Variants in LPP observed in about 807,000 individuals in gnomAD.
The protein encoded by LPP is LIM domain containing preferred translocation partner in lipoma.
In LPP, 38 loss-of-function variants were observed where a neutral mutation model predicts 60.4. The observed-to-expected ratio is 0.63, with a 90% CI of 0.49 to 0.83. The LOEUF is 0.83. LPP is among the 40% of genes least tolerant of loss of function. LPP has a pLI of 0.00. For missense variants in LPP, 902 were observed against 783.6 expected (o/e 1.15, Z -1.80); for synonymous variants, 328 against 290.8 (o/e 1.13, Z -1.30).
At chr3:188,526,776 G>A (rs1465242354) in intron 6 of LPP, among the ~76,000 whole-genome samples, 8 of 152,128 alleles carry the variant, frequency 5.3e-5, no homozygotes, top group Non-Finnish European at 1.0e-4. Context: ...GAACTCATCT[G>A]TAGAAGGCAC....
intron 2 of LPP, among the ~76,000 whole-genome samples, chr3:188,241,131 AATG>A (rs1400819543): frequency 2.6e-5 from 4 of 152,182 alleles, no homozygotes; most frequent in African/African-American, 9.7e-5. Flanking sequence ...TGGCTGCAAG[AATG>A]ATAAGTGGTC....
intron 1 of LPP, chr3:188,178,454 A>G (rs1158157589): frequency 6.6e-6 from 1 of 152,172 alleles, no homozygotes; most frequent in Non-Finnish European, 1.5e-5. Context: ...AGATCTTGGA[A>G]TCTCTGTTTG....
chr3:188,753,861 A>T (rs2150362581), intron 8 of LPP, among the ~76,000 whole-genome samples: 1 of 152,166 alleles, frequency 6.6e-6, no homozygotes, highest in Admixed American at 6.5e-5. Context: ...CCCACTAGCC[A>T]CGTACCTGTT....
At chr3:188,563,935 T>A (rs1831458640) in intron 6 of LPP, among the ~76,000 whole-genome samples, 1 of 151,844 alleles carries the variant, frequency 6.6e-6, no homozygotes, top group Non-Finnish European at 1.5e-5. Flanking sequence ...CATGGCACTG[T>A]GGTTTGAATA....
At position 188,781,003 on chromosome 3, in the gene LPP, C is replaced by T. The variant is rs572390422; in HGVS notation, c.1410+20721C>T. On this transcript the variant is annotated intron_variant, in intron 9 of 11. Coordinates refer to ENST00000617246, the MANE Select transcript of LPP (RefSeq NM_001375462.1). ...CAAATCTGGTGCCAAAAGGCACTAC[C>T]GGATTCAGACTGACAGCACTGAGAG... Among the ~76,000 whole-genome samples, 6 of 152,264 alleles carry T rather than the reference C, an allele frequency of 3.9e-5. No homozygotes were observed. The South Asian group carries it at 1.0e-3, about 26-fold the overall frequency.
At chr3:188,836,190 T>A (rs1201196687) in intron 9 of LPP, among the ~76,000 whole-genome samples, 2 of 152,254 alleles carry the variant, frequency 1.3e-5, no homozygotes, top group African/African-American at 2.4e-5. Flanking sequence ...CCCACTGTTT[T>A]TATTTCTCTT....
At chr3:188,672,545 G>A (rs922689198) in intron 7 of LPP, among the ~76,000 whole-genome samples, 2 of 152,286 alleles carry the variant, frequency 1.3e-5, no homozygotes, top group East Asian at 1.9e-4. Flanking sequence ...CGTTGATGGA[G>A]GGGGTGGTGG....
chr3:188,497,919 A>T (rs1810713294), intron 5 of LPP, among the ~76,000 whole-genome samples: 1 of 152,136 alleles, frequency 6.6e-6, no homozygotes, highest in African/African-American at 2.4e-5. Flanking sequence ...ATTTTCATAG[A>T]GTTACAGATT....
rs1465400641 is a variant in LPP at position 188,368,705 on chromosome 3, CACACACACACACACAGAG to C, written c.-10+26988_-10+27005del. ...TCTCACACACACACACACACACACA[CACACACACACACACAGAG>C]AGAGAGAGAGAGAGAGAGAGAGAGA... is the stretch of plus-strand genomic sequence containing the variant. On this transcript the variant is annotated intron_variant, in intron 3 of 11. Coordinates refer to ENST00000617246, the MANE Select transcript of LPP (RefSeq NM_001375462.1). Among the ~76,000 whole-genome samples, 26 of 122,590 alleles carry C rather than the reference CACACACACACACACAGAG, an allele frequency of 2.1e-4. No individual in the cohort carries two copies. The South Asian group carries it at 5.0e-3, about 24-fold the overall frequency. 80.4% of individuals were successfully genotyped at this position (122,590 alleles called of 152,430 possible).
chr3:188,298,069 T>A (rs1748535941), intron 2 of LPP, among the ~76,000 whole-genome samples: 1 of 152,218 alleles, frequency 6.6e-6, no homozygotes. Context: ...GTTAATAAAC[T>A]GAATATATTG....
intron 2 of LPP, among the ~76,000 whole-genome samples, chr3:188,264,495 G>A (rs542746980): frequency 2.0e-5 from 3 of 152,124 alleles, no homozygotes; most frequent in African/African-American, 7.2e-5. Flanking sequence ...TCCTTAAGTG[G>A]TATAAAATGT....
chr3:188,267,705 A>G (rs2149754190), intron 2 of LPP, among the ~76,000 whole-genome samples: 1 of 152,290 alleles, frequency 6.6e-6, no homozygotes, highest in Non-Finnish European at 1.5e-5. Context: ...CTTGAGAAAG[A>G]TCCTCTATAG....
intron 8 of LPP, among the ~76,000 whole-genome samples, chr3:188,758,443 G>A (rs1000984781): frequency 6.6e-6 from 1 of 152,090 alleles, no homozygotes; most frequent in Non-Finnish European, 1.5e-5. Context: ...TTGAAGACAT[G>A]AGCCACTGCA....
intron 9 of LPP, among the ~76,000 whole-genome samples, chr3:188,848,633 A>C (rs937393584): frequency 5.9e-5 from 9 of 152,246 alleles, no homozygotes; most frequent in Non-Finnish European, 1.3e-4. Flanking sequence ...CAGATGTAAA[A>C]ACTGAGGCAC....
intron 8 of LPP, chr3:188,759,155 G>C (rs1731311576): frequency 6.6e-6 from 1 of 152,198 alleles, no homozygotes; most frequent in African/African-American, 2.4e-5. Context: ...ATGGCAACCA[G>C]CATAATGCCT....
intron 9 of LPP, among the ~76,000 whole-genome samples, chr3:188,801,375 A>G (rs897565365): frequency 2.0e-5 from 3 of 152,162 alleles, no homozygotes; most frequent in Non-Finnish European, 2.9e-5. Flanking sequence ...TATGTATTTT[A>G]TTATTTATAA....
Position 188,708,331 on chromosome 3 carries a change from T to C in LPP, c.1178T>C (p.Leu393Pro), listed in dbSNP as rs754782204. 24 of 1,614,060 alleles carry C rather than the reference T, an allele frequency of 1.5e-5. No individual in the cohort carries two copies. Among genetic ancestry groups the C allele is most frequent in the African/African-American group, 4.0e-5 (3 of 74,910 alleles). The part of the protein sequence containing the change: ...VAPSFRPEDE[L>P]EHLTKKMLYD... ...CCTTCATTCCGCCCAGAGGATGAGC[T>C]TGAGCACCTGACCAAAAAGATGCTG... The change falls in exon 8 of 12, where the codon CTT (leucine) becomes CCT (proline). Residue 393 changes from leucine to proline, a missense_variant. Physicochemically the swap from Leu to Pro is moderately conservative, Grantham distance 98. Transcript: ENST00000617246.
At chr3:188,545,999 A>C (rs1826555078) in intron 6 of LPP, among the ~76,000 whole-genome samples, 1 of 152,144 alleles carries the variant, frequency 6.6e-6, no homozygotes, top group South Asian at 2.1e-4. Flanking sequence ...ATTTTACTAC[A>C]TCATATTTTA....
At chr3:188,800,559 G>A (rs1746898029) in intron 9 of LPP, among the ~76,000 whole-genome samples, 2 of 151,974 alleles carry the variant, frequency 1.3e-5, no homozygotes, top group African/African-American at 4.8e-5. Context: ...CTTTCTGCAG[G>A]ATATATTTTT....
Sources: allele counts gnomAD v4.1 joint callset (sites outside exome capture counted in the v4.1 genomes callset), GRCh38; gene constraint gnomAD v4.1.1; transcripts MANE v1.5; gene names NCBI Gene and HGNC (gene_info 2026-07-23, HGNC 2026-07-21).